Variants in MTUS1 observed in about 807,000 individuals in gnomAD.
MTUS1 encodes the protein microtubule-associated tumor suppressor 1.
A neutral mutation model predicts 120.8 loss-of-function variants in MTUS1; 109 were observed. That is an observed-to-expected ratio of 0.90 (90% CI 0.77 to 1.06). The LOEUF is 1.06. Ranked by LOEUF, MTUS1 falls within the 50% of genes least tolerant of loss-of-function variation. The pLI is 0.00. For missense variants in MTUS1, 2,210 were observed against 1,486.3 expected (o/e 1.49, Z -8.01); for synonymous variants, 737 against 550.5 (o/e 1.34, Z -4.74).
At chr8:17,718,750 T>A (rs1271900601) in intron 4 of MTUS1, among the ~76,000 whole-genome samples, 1 of 151,898 alleles carries the variant, frequency 6.6e-6, no homozygotes. Context: ...TCTGGAATCT[T>A]TATCTTCATT....
chr8:17,737,340 C>G (rs185821855), intron 3 of MTUS1, among the ~76,000 whole-genome samples: 24 of 152,340 alleles, frequency 1.6e-4, no homozygotes, highest in African/African-American at 5.5e-4. Flanking sequence ...TAAAAGAGGG[C>G]TTAGCACTGT....
chr8:17,721,758 G>A (rs775116589), intron 4 of MTUS1: 3 of 1,613,830 alleles, frequency 1.9e-6, no homozygotes, highest in East Asian at 2.2e-5. Context: ...TACAAAGGCT[G>A]TACGATCCCA....
intron 6 of MTUS1, chr8:17,691,447 G>A (rs997734110): frequency 2.0e-5 from 3 of 152,208 alleles, no homozygotes; most frequent in African/African-American, 7.2e-5. Flanking sequence ...ATCAATCCAC[G>A]ACAAAACGTT....
rs187373547 is a variant in MTUS1 at position 17,684,515 on chromosome 8, C to T, written c.2651G>A (p.Arg884Gln). The stretch of plus-strand genomic sequence containing the variant: ...TGTCTGTGGCTGGATACATAAGCTT[C>T]GAGGATTCTTTTGCCTGCTCTTTTC... ...AVEKSRQKNP[R>Q]SLCIQPQTAP... is the part of the protein sequence containing the mutation. Residue 884 changes from arginine (R) to glutamine (Q), a missense_variant, in exon 7 of 15, where the codon CGA becomes CAA. Coordinates refer to ENST00000693296, the MANE Select transcript of MTUS1 (RefSeq NM_001363059.2). The T allele has an allele frequency of 1.2e-4, 199 of 1,613,988 alleles. No homozygotes were observed. The African/African-American group carries it at 1.4e-3, about 11-fold the overall frequency.
At chr8:17,743,551 G>A in intron 3 of MTUS1, 53 bp downstream of exon 3, 1 of 1,539,972 alleles carries the variant, frequency 6.5e-7, no homozygotes, top group South Asian at 1.2e-5. Flanking sequence ...AATCATGACT[G>A]TCCAATTTTA....
chr8:17,683,768 C>T (rs1391043630), intron 7 of MTUS1, among the ~76,000 whole-genome samples: 1 of 152,130 alleles, frequency 6.6e-6, no homozygotes, highest in Non-Finnish European at 1.5e-5. Flanking sequence ...TGAATTTTAG[C>T]CAGTTCCTGA....
chr8:17,707,904 T>C (rs369337133), intron 6 of MTUS1, among the ~76,000 whole-genome samples: 3 of 152,284 alleles, frequency 2.0e-5, no homozygotes, highest in Admixed American at 1.3e-4. Flanking sequence ...TGGATGTCCA[T>C]GTGCAAAAAA....
intron 6 of MTUS1, among the ~76,000 whole-genome samples, chr8:17,711,771 A>C (rs924757426): frequency 6.6e-6 from 1 of 152,152 alleles, no homozygotes; most frequent in Non-Finnish European, 1.5e-5. Context: ...AATCATTTCT[A>C]TCTTTTGATT....
chr8:17,663,306 T>C (rs1450962436), intron 8 of MTUS1, among the ~76,000 whole-genome samples: 1 of 152,204 alleles, frequency 6.6e-6, no homozygotes, highest in Non-Finnish European at 1.5e-5. Context: ...CAGAGACTCA[T>C]TTCCCTTTGT....
intron 8 of MTUS1, among the ~76,000 whole-genome samples, chr8:17,662,156 T>G (rs575443275): frequency 6.6e-6 from 1 of 152,184 alleles, no homozygotes; most frequent in South Asian, 2.1e-4. Flanking sequence ...GTGTGTGCTC[T>G]CACTCCTATC....
intron 8 of MTUS1, among the ~76,000 whole-genome samples, chr8:17,663,605 G>GT (rs111999225): frequency 0.056 from 5,571 of 98,622 alleles, 335 homozygotes; most frequent in African/African-American, 0.14. Flanking sequence ...GTTTTGTTTT[G>GT]TTTTTTTTGA....
intron 3 of MTUS1, among the ~76,000 whole-genome samples, chr8:17,730,938 G>T (rs1437218815): frequency 2.6e-5 from 4 of 152,112 alleles, no homozygotes; most frequent in African/African-American, 9.7e-5. Flanking sequence ...CCACAGAGCT[G>T]TACATTTAAA....
Position 17,755,279 on chromosome 8 carries a change from CATG to C in MTUS1, c.526_528del (p.His176del). The C allele has an allele frequency of 6.2e-7, 1 of 1,614,202 alleles. No individual in the cohort carries two copies. Among genetic ancestry groups the C allele is most frequent in the South Asian group, 1.1e-5 (1 of 91,090 alleles). On this transcript the variant is annotated inframe_deletion, in exon 2 of 15. Transcript: ENST00000693296. The stretch of plus-strand genomic sequence containing the variant: ...TGGAAGGACTGACTCTTTCCGATGG[CATG>C]ATGTGATATAAAGGTGCAGTTAACT...
At chr8:17,723,514 T>C in intron 4 of MTUS1, 158 bp downstream of exon 4, 1 of 740,648 alleles carries the variant, frequency 1.4e-6, no homozygotes, top group Admixed American at 2.2e-5. Context: ...TTTCAAAGAA[T>C]TTTTTTTCTG....
In MTUS1 at chr8:17,776,666, G is replaced by C. The variant is rs368455723; in HGVS notation, c.-154-20705C>G. On this transcript the variant is annotated intron_variant, in intron 1 of 14. Transcript: ENST00000693296. ...GGCACTCCAGCCTGGGTGACTGAGT[G>C]AGACTCTGTCTCAAAAAAAAAAAAA... Among the ~76,000 whole-genome samples the C allele has an allele frequency of 2.9e-4, 32 of 108,858 alleles. No individual in the cohort carries two copies. In the East Asian group the frequency reaches 9.8e-3, roughly 33 times the overall value. 71.4% of individuals were successfully genotyped at this position (108,858 alleles called of 152,430 possible). A position where few individuals can be genotyped will look rare whatever the true frequency, so the allele number is the denominator to read the frequency against.
chr8:17,694,930 G>A (rs192164103), intron 6 of MTUS1, among the ~76,000 whole-genome samples: 27 of 152,238 alleles, frequency 1.8e-4, no homozygotes, highest in Admixed American at 1.5e-3. Flanking sequence ...TTTTGTAGCC[G>A]TGTGAGGTTA....
chr8:17,675,292 G>C, intron 7 of MTUS1, 40 bp from the exon 8 acceptor site: 1 of 1,595,832 alleles, frequency 6.3e-7, no homozygotes, highest in South Asian at 1.1e-5. Context: ...GCTTTCAAGA[G>C]GGTCCCTTTC....
At chr8:17,772,729 C>G (rs547004180) in intron 1 of MTUS1, among the ~76,000 whole-genome samples, 1 of 152,110 alleles carries the variant, frequency 6.6e-6, no homozygotes, top group Non-Finnish European at 1.5e-5. Context: ...AATCTAGGCA[C>G]TAAGTAAAAG....
At chr8:17,716,770 G>T (rs1822423655) in intron 4 of MTUS1, among the ~76,000 whole-genome samples, 1 of 152,118 alleles carries the variant, frequency 6.6e-6, no homozygotes, top group Non-Finnish European at 1.5e-5. Context: ...TAGGCAGGAT[G>T]GTCTCGATCT....
Sources: allele counts gnomAD v4.1 joint callset (sites outside exome capture counted in the v4.1 genomes callset), GRCh38; gene constraint gnomAD v4.1.1; transcripts MANE v1.5; gene names NCBI Gene and HGNC (gene_info 2026-07-23, HGNC 2026-07-21).